The following MLC1 variants were observed in gnomAD, a reference collection of about 807,000 sequenced individuals.
MLC1 encodes membrane protein MLC1.
MLC1 carries 32 observed loss-of-function variants against 44.7 expected under a neutral mutation model. The ratio of observed to expected loss-of-function variants is 0.72; its 90% CI spans 0.54 to 0.96. The LOEUF (loss-of-function observed/expected upper bound fraction) is 0.96. Among genes scored for constraint, MLC1 ranks in the 40% least tolerant of loss-of-function variants. The pLI is 0.00. For missense variants in MLC1, 459 were observed against 492.2 expected, an observed-to-expected ratio of 0.93 and a Z score of 0.64; for synonymous variants, 190 against 213.0, an observed-to-expected ratio of 0.89 and a Z score of 0.94.
In MLC1 at chr22:50,061,474, CA is replaced by C; in HGVS notation, c.*108del. The C allele has an allele frequency of 1.6e-6, 2 of 1,246,712 alleles. No homozygotes were observed. The highest frequency in any genetic ancestry group is 2.3e-6 in the Non-Finnish European group (2 of 858,080). 77.2% of individuals were successfully genotyped at this position (1,246,712 alleles called of 1,614,324 possible). On this transcript the variant is annotated 3_prime_UTR_variant, in exon 12 of 12. Transcript: ENST00000311597. Reference sequence around the variant, plus strand: ...CCACCTGCAGCCTGGTTTGCCCTCACACAAGGGAAAAGAGGTGTTAGAAGCA... The same window carrying C: ...CCACCTGCAGCCTGGTTTGCCCTCACCAAGGGAAAAGAGGTGTTAGAAGCA...
At position 50,083,405 on chromosome 22, in the gene MLC1, AC is replaced by A. The variant is rs2062198709; in HGVS notation, c.178-233del. Among the ~76,000 whole-genome samples, 1 of 151,738 alleles carries A rather than the reference AC, an allele frequency of 6.6e-6. No homozygotes were observed. Among genetic ancestry groups the A allele is most frequent in the African/African-American group, 2.4e-5 (1 of 41,266 alleles). On this transcript the variant is annotated intron_variant, in intron 2 of 11. Coordinates refer to ENST00000311597, the MANE Select transcript of MLC1 (RefSeq NM_015166.4). This position sits in a 1 kb window ranked among gnomAD's most constrained non-coding sequence, Gnocchi z 4.6. Reference sequence around the variant, plus strand: ...CTCCCCCAGCCATGTCGGAGCATGGACCCCCCACGCTGTTATCTGGAGGAGA... The same window carrying A: ...CTCCCCCAGCCATGTCGGAGCATGGACCCCCACGCTGTTATCTGGAGGAGA...
chr22:50,079,946 T>G lies in MLC1; in HGVS notation c.395A>C (p.Lys132Thr), dbSNP rs756803473. 7 of 1,613,842 alleles carry G rather than the reference T, an allele frequency of 4.3e-6. No individual in the cohort carries two copies. In the South Asian group the frequency reaches 7.7e-5, roughly 18 times the overall value. The change falls in exon 5 of 12, where the codon AAA (lysine) becomes ACA (threonine). Residue 132 changes from lysine (K) to threonine (T), a missense_variant. By Grantham distance (78) the Lys-to-Thr change is moderately conservative. Transcript: ENST00000311597. ...TTTCLIWFGC[K>T]LVLNPSAINI... ...TATTGCTGATGGGTTCAGGACTAGT[T>G]TGCATCCAAACCAAATTAAACACGT...
chr22:50,079,988 G>A lies in MLC1; in HGVS notation c.353C>T (p.Thr118Met), dbSNP rs281875316. 16 of 1,613,946 alleles carry A rather than the reference G, an allele frequency of 9.9e-6. No homozygotes were observed. Among genetic ancestry groups the A allele is most frequent in the Admixed American group, 3.3e-5 (2 of 60,000 alleles). The change falls in exon 5 of 12, where the codon ACG becomes ATG. Residue 118 changes from threonine to methionine, a missense_variant. By Grantham distance (81) the Thr-to-Met change is moderately conservative (BLOSUM62 -1). Coordinates refer to ENST00000311597, the MANE Select transcript of MLC1 (RefSeq NM_015166.4). ...TAAACACGTAGTGGTCACAGCAAACGTGGAAACAAACAATATCTGAAAGTT... is the reference window on the plus strand; with the variant it reads ...TAAACACGTAGTGGTCACAGCAAACATGGAAACAAACAATATCTGAAAGTT... ...IPNFQILFVS[T>M]FAVTTTCLIW...
chr22:50,082,821 C>T lies in MLC1; in HGVS notation c.267+263G>A, dbSNP rs374144984. 3.9e-5 allele frequency among the ~76,000 whole-genome samples: 6 copies of T among 152,222 alleles called. No individual in the cohort carries two copies. In the East Asian group the frequency reaches 5.8e-4, roughly 15 times the overall value. On this transcript the variant is annotated intron_variant, in intron 3 of 11. Coordinates refer to ENST00000311597, the MANE Select transcript of MLC1 (RefSeq NM_015166.4). ...CTGGGAGTACAGGCACCCACCACCGCGCCCAGCTAATTTTTGTATTTTTAG... is the reference window on the plus strand; with the variant it reads ...CTGGGAGTACAGGCACCCACCACCGTGCCCAGCTAATTTTTGTATTTTTAG...
intron 9 of MLC1, among the ~76,000 whole-genome samples, 170 bp from the exon 10 acceptor site, chr22:50,068,725 CTT>C (rs765426637): frequency 3.7e-4 from 39 of 105,246 alleles, no homozygotes; most frequent in South Asian, 6.9e-4. Flanking sequence ...TTTTCTTTTT[CTT>C]TTTTTTTTTT....
rs1425964299 is a variant in MLC1, at chr22:50,076,839, A to T, written c.597+2T>A. 6.2e-7 allele frequency: 1 copy of T among 1,613,610 alleles called. No homozygotes were observed. The highest frequency in any genetic ancestry group is 8.5e-7 in the Non-Finnish European group (1 of 1,179,566). On this transcript the variant is annotated splice_donor_variant, in intron 7 of 11. Coordinates refer to ENST00000311597, the MANE Select transcript of MLC1 (RefSeq NM_015166.4). LOFTEE classifies it high-confidence loss of function. Reference sequence around the variant, plus strand: ...AAAGAGAAAGAAGGGAAGTTTTCTTACTGAGTAAGATTTCAGGACCCGAGC... The same window carrying T: ...AAAGAGAAAGAAGGGAAGTTTTCTTTCTGAGTAAGATTTCAGGACCCGAGC...
intron 8 of MLC1, among the ~76,000 whole-genome samples, chr22:50,073,299 A>AG (rs1278222838): frequency 1.3e-5 from 2 of 152,346 alleles, no homozygotes; most frequent in African/African-American, 4.8e-5. Context: ...GAGACAAACC[A>AG]GGGGCTGGCC....
chr22:50,071,022 G>A (rs1339387929), intron 8 of MLC1, among the ~76,000 whole-genome samples: 7 of 152,154 alleles, frequency 4.6e-5, no homozygotes, highest in African/African-American at 1.7e-4. Flanking sequence ...GAGACTCCAC[G>A]TGGGGCCGAT....
In MLC1 at chr22:50,083,260, T is replaced by C; in HGVS notation, c.178-87A>G. The C allele has an allele frequency of 3.2e-6, 4 of 1,237,104 alleles. No homozygotes were observed. The highest frequency in any genetic ancestry group is 4.7e-6 in the Non-Finnish European group (4 of 848,000). 76.6% of individuals were successfully genotyped at this position (1,237,104 alleles called of 1,614,324 possible). ...CCTTCAACTTCTGCTTCACTGTCTG[T>C]GTATTGGTGACTCACCCACGTCCCC... On this transcript the variant is annotated intron_variant, in intron 2 of 11. Coordinates refer to ENST00000311597, the MANE Select transcript of MLC1 (RefSeq NM_015166.4). The surrounding 1 kb of genome is among the most constrained non-coding windows in gnomAD (Gnocchi z 4.6).
rs758691430 is a variant in MLC1 at position 50,076,890 on chromosome 22, T to C, written c.548A>G (p.Asn183Ser). The C allele has an allele frequency of 1.5e-5, 24 of 1,613,926 alleles. No individual in the cohort carries two copies. Among genetic ancestry groups the C allele is most frequent in the East Asian group, 2.2e-5 (1 of 44,876 alleles). ...KKKGSMSDSANILDEVPFPAR... is the reference protein window; with the variant it reads ...KKKGSMSDSASILDEVPFPAR... ...AGGAAATGGCACTTCGTCCAGAATG[T>C]TGGCGCTGTCAGACATGGAGCCCTA... The change falls in exon 7 of 12, where the codon AAC becomes AGC. Residue 183 changes from asparagine (N) to serine (S), a missense_variant. Coordinates refer to ENST00000311597, the MANE Select transcript of MLC1 (RefSeq NM_015166.4).
At chr22:50,068,409 G>A (rs753948956) in intron 10 of MLC1, 24 bp downstream of exon 10, 59 of 1,611,660 alleles carry the variant, frequency 3.7e-5, no homozygotes, top group East Asian at 6.7e-5. Context: ...TGTCTGGGGG[G>A]CTCTGAAATA....
intron 7 of MLC1, among the ~76,000 whole-genome samples, chr22:50,076,050 C>T (rs2061972941): frequency 1.3e-5 from 2 of 151,882 alleles, no homozygotes; most frequent in Non-Finnish European, 2.9e-5. Flanking sequence ...CAAAAGAAGG[C>T]AGGGAAGGAG....
At chr22:50,068,717 T>C (rs2061775304) in intron 9 of MLC1, among the ~76,000 whole-genome samples, 162 bp from the exon 10 acceptor site, 1 of 118,858 alleles carries the variant, frequency 8.4e-6, no homozygotes, top group South Asian at 3.1e-4. Context: ...CTTTTCTTTT[T>C]TCTTTTTCTT....
At chr22:50,073,802 G>A (rs991246307) in intron 8 of MLC1, among the ~76,000 whole-genome samples, 4 of 152,128 alleles carry the variant, frequency 2.6e-5, no homozygotes, top group Admixed American at 1.3e-4. Flanking sequence ...TGTGTCAGGT[G>A]CTGTGTGACA....
chr22:50,073,061 G>A (rs372390521), intron 8 of MLC1, among the ~76,000 whole-genome samples: 4 of 151,798 alleles, frequency 2.6e-5, no homozygotes, highest in South Asian at 2.1e-4. Context: ...CCGGGCAGGC[G>A]TGGGCCCCTT....
chr22:50,069,383 A>G (rs2061795492), intron 9 of MLC1, among the ~76,000 whole-genome samples: 1 of 152,024 alleles, frequency 6.6e-6, no homozygotes, highest in Non-Finnish European at 1.5e-5. Context: ...GGTGGCTCAC[A>G]TCTGTAATCC....
At chr22:50,084,982 G>A (rs1050173273) in intron 1 of MLC1, 21 bp from the exon 2 acceptor site, 4 of 1,578,938 alleles carry the variant, frequency 2.5e-6, no homozygotes, top group Non-Finnish European at 3.4e-6. Flanking sequence ...ATTATCATCG[G>A]CTTTGGCCAC....
In MLC1 at chr22:50,068,465, C is replaced by T; in HGVS notation, c.862G>A (p.Glu288Lys). Residue 288 changes from glutamate to lysine, a missense_variant, in exon 10 of 12, where the codon GAG (glutamate) becomes AAG (lysine). By Grantham distance (56) the Glu-to-Lys change is moderately conservative. Coordinates refer to ENST00000311597, the MANE Select transcript of MLC1 (RefSeq NM_015166.4). ...YLSFSIMRIV[E>K]MFKDYPPAIK... ...GCTGGCGGGTAATCCTTAAACATCT[C>T]CACGATTCTCATGATGCTGAATGAC... The T allele has an allele frequency of 1.9e-6, 3 of 1,613,908 alleles. No homozygotes were observed. The highest frequency in any genetic ancestry group is 1.1e-5 in the South Asian group (1 of 91,076).
Position 50,064,632 on chromosome 22 carries a change from GT to G in MLC1, c.895-435del, listed in dbSNP as rs148078185. Among the ~76,000 whole-genome samples the G allele has an allele frequency of 0.12, 18,565 of 152,130 alleles. 1,267 individuals are homozygous for G. Among genetic ancestry groups the G allele is most frequent in the South Asian group, 0.23 (1,103 of 4,814 alleles). ...GGGGCAGCCGTCCTGGGGGGATGGG[GT>G]GCACAGACCCCCAACAGCTTCACCC... On this transcript the variant is annotated intron_variant, in intron 10 of 11. Coordinates refer to ENST00000311597, the MANE Select transcript of MLC1 (RefSeq NM_015166.4).
Sources: allele counts gnomAD v4.1 joint callset (sites outside exome capture counted in the v4.1 genomes callset), GRCh38; gene constraint gnomAD v4.1.1; non-coding constraint Gnocchi (gnomAD v3.1); transcripts MANE v1.5; gene names NCBI Gene and HGNC (gene_info 2026-07-23, HGNC 2026-07-21).